The following CNTNAP2 variants were observed in gnomAD, a reference collection of about 807,000 sequenced individuals.
The protein encoded by CNTNAP2 is contactin associated protein 2.
A neutral mutation model predicts 155.2 loss-of-function variants in CNTNAP2; 98 were observed. The ratio of observed to expected loss-of-function variants is 0.63; its 90% CI spans 0.54 to 0.75. CNTNAP2 has a LOEUF of 0.75. Ranked by LOEUF, CNTNAP2 falls within the 30% of genes least tolerant of loss-of-function variation. The pLI, the probability that CNTNAP2 is intolerant of heterozygous loss-of-function variation, is 0.00. For synonymous variants in CNTNAP2, 651 were observed against 631.2 expected (o/e 1.03, Z -0.47); for missense variants, 1,727 against 1,688.1 (o/e 1.02, Z -0.40).
intron 13 of CNTNAP2, among the ~76,000 whole-genome samples, chr7:147,828,566 G>A (rs1484441452): frequency 2.0e-5 from 3 of 152,106 alleles, no homozygotes; most frequent in Non-Finnish European, 4.4e-5. Context: ...ATACATGAAG[G>A]TAATAAAGGC....
intron 12 of CNTNAP2, among the ~76,000 whole-genome samples, chr7:147,591,738 C>T (rs145475242): frequency 9.2e-5 from 14 of 152,086 alleles, no homozygotes; most frequent in African/African-American, 3.1e-4. Flanking sequence ...GATTTGTTCC[C>T]CAGTAGCCTT....
intron 15 of CNTNAP2, among the ~76,000 whole-genome samples, chr7:148,099,429 G>C (rs922005098): frequency 3.5e-5 from 4 of 115,758 alleles, no homozygotes; most frequent in Non-Finnish European, 5.6e-5. Flanking sequence ...AATTGTGTGT[G>C]TGTGTGTGTG....
At position 147,058,667 on chromosome 7, in the gene CNTNAP2, C is replaced by T. The variant is rs564874502; in HGVS notation, c.550+14613C>T. On this transcript the variant is annotated intron_variant, in intron 4 of 23. Transcript: ENST00000361727. ...TGTCATCCAGGCTGGAGTGCAGTGG[C>T]GTGATCTCGGCTCACTGCAACCTCT... Among the ~76,000 whole-genome samples, 9 of 138,734 alleles carry T rather than the reference C, an allele frequency of 6.5e-5. No individual in the cohort carries two copies. The South Asian group carries it at 7.0e-4, about 11-fold the overall frequency. The allele number at this position is 138,734 out of a possible 152,430, so 91.0% of individuals were successfully genotyped here.
At chr7:146,340,969 T>C (rs1362271962) in intron 1 of CNTNAP2, among the ~76,000 whole-genome samples, 1 of 152,222 alleles carries the variant, frequency 6.6e-6, no homozygotes, top group Non-Finnish European at 1.5e-5. Flanking sequence ...AAAATATCTC[T>C]TCCTAGATTA....
At chr7:146,157,079 G>T (rs534713897) in intron 1 of CNTNAP2, among the ~76,000 whole-genome samples, 1 of 152,236 alleles carries the variant, frequency 6.6e-6, no homozygotes, top group East Asian at 1.9e-4. Flanking sequence ...TTAATAGTAT[G>T]TATGATTCCT....
chr7:147,026,661 G>A (rs1338376591), intron 3 of CNTNAP2, among the ~76,000 whole-genome samples: 7 of 149,204 alleles, frequency 4.7e-5, no homozygotes, highest in Middle Eastern at 3.5e-3. Context: ...TCATGCCTAC[G>A]TTTCTCCTGG....
chr7:148,183,762 A>C (rs940851481), intron 18 of CNTNAP2, among the ~76,000 whole-genome samples: 42 of 152,148 alleles, frequency 2.8e-4, no homozygotes, highest in Non-Finnish European at 5.4e-4. Context: ...GATTACAGTC[A>C]TGAGCCACCA....
intron 8 of CNTNAP2, among the ~76,000 whole-genome samples, chr7:147,144,766 C>A (rs1801667431): frequency 6.6e-6 from 1 of 152,132 alleles, no homozygotes; most frequent in African/African-American, 2.4e-5. Flanking sequence ...AAGTTTATTA[C>A]ATAGAATAGC....
intron 3 of CNTNAP2, among the ~76,000 whole-genome samples, chr7:146,870,986 T>C (rs1033287739): frequency 6.6e-6 from 1 of 152,194 alleles, no homozygotes; most frequent in Admixed American, 6.6e-5. Context: ...TTTTACACAT[T>C]GTCTGTTTAT....
At chr7:147,508,264 C>T (rs757577) in intron 11 of CNTNAP2, among the ~76,000 whole-genome samples, 134,790 of 152,064 alleles carry the variant, frequency 0.89, 59,949 homozygotes, top group South Asian at 0.95. Flanking sequence ...TCTTTCTGCC[C>T]CCTGTCCCCC....
chr7:146,884,130 C>G (rs1460430825), intron 3 of CNTNAP2, among the ~76,000 whole-genome samples: 1 of 152,044 alleles, frequency 6.6e-6, no homozygotes, highest in Non-Finnish European at 1.5e-5. Context: ...TCTGCCTATA[C>G]CAAAACCCAA....
intron 9 of CNTNAP2, among the ~76,000 whole-genome samples, chr7:147,326,495 A>G (rs1376134490): frequency 6.6e-6 from 1 of 152,184 alleles, no homozygotes; most frequent in Non-Finnish European, 1.5e-5. Flanking sequence ...TGTACTAATG[A>G]TATACAAATA....
chr7:148,000,829 G>A (rs78129870), intron 15 of CNTNAP2, among the ~76,000 whole-genome samples: 227 of 152,252 alleles, frequency 1.5e-3, no homozygotes, highest in Non-Finnish European at 2.7e-3. Context: ...AAACTAGAGC[G>A]ACTTCTCTCA....
chr7:146,679,539 T>C (rs1190738492), intron 1 of CNTNAP2, among the ~76,000 whole-genome samples: 1 of 151,924 alleles, frequency 6.6e-6, no homozygotes, highest in East Asian at 1.9e-4. Flanking sequence ...GTATTTTTAG[T>C]AGAGATGGGG....
intron 3 of CNTNAP2, among the ~76,000 whole-genome samples, chr7:147,036,842 G>A (rs1360852690): frequency 6.6e-6 from 1 of 152,064 alleles, no homozygotes; most frequent in Non-Finnish European, 1.5e-5. Flanking sequence ...AAACTCAGCT[G>A]TGTATCTTTT....
At chr7:147,686,734 G>A (rs1192849520) in intron 13 of CNTNAP2, among the ~76,000 whole-genome samples, 7 of 151,906 alleles carry the variant, frequency 4.6e-5, no homozygotes, top group Non-Finnish European at 7.4e-5. Context: ...CTGCTAAAGT[G>A]ATGCAATGAT....
At chr7:146,815,922 A>T (rs953723254) in intron 2 of CNTNAP2, among the ~76,000 whole-genome samples, 2 of 152,066 alleles carry the variant, frequency 1.3e-5, no homozygotes, top group Non-Finnish European at 2.9e-5. Context: ...CCCCAACCCC[A>T]CAACGGGCCC....
At chr7:148,404,148 T>A (rs1198542552) in intron 22 of CNTNAP2, among the ~76,000 whole-genome samples, 2 of 152,228 alleles carry the variant, frequency 1.3e-5, no homozygotes, top group Admixed American at 6.5e-5. Context: ...TACCTCTTAA[T>A]CAACTGATTT....
chr7:146,429,690 C>A (rs1300963790), intron 1 of CNTNAP2, among the ~76,000 whole-genome samples: 2 of 152,082 alleles, frequency 1.3e-5, no homozygotes, highest in Non-Finnish European at 2.9e-5. Context: ...AATTTGATTT[C>A]TTCTCTTCCT....
Sources: allele counts gnomAD v4.1 joint callset (sites outside exome capture counted in the v4.1 genomes callset), GRCh38; gene constraint gnomAD v4.1.1; transcripts MANE v1.5; gene names NCBI Gene and HGNC (gene_info 2026-07-23, HGNC 2026-07-21).